CNIH3: variants seen among roughly 807,000 people sequenced by gnomAD.
CNIH3 encodes protein cornichon homolog 3.
In CNIH3, 14 loss-of-function variants were observed where a neutral mutation model predicts 24.1. The observed-to-expected ratio is 0.58, with a 90% CI of 0.38 to 0.91. The LOEUF is 0.91. Among genes scored for constraint, CNIH3 ranks in the 40% least tolerant of loss-of-function variants. CNIH3 has a pLI of 0.00. For synonymous variants in CNIH3, 68 were observed against 73.8 expected, an observed-to-expected ratio of 0.92 and a Z score of 0.40; for missense variants, 178 against 196.8, an observed-to-expected ratio of 0.90 and a Z score of 0.57.
chr1:224,565,691 T>A (rs772800012), intron 3 of CNIH3: 1 of 152,510 alleles, frequency 6.6e-6, no homozygotes, highest in Non-Finnish European at 1.5e-5. Context: ...CACTGTTGCT[T>A]CCTGTGGGGA....
At chr1:224,576,231 A>G (rs956225064) in intron 4 of CNIH3, among the ~76,000 whole-genome samples, 6 of 152,354 alleles carry the variant, frequency 3.9e-5, no homozygotes, top group Non-Finnish European at 8.8e-5. Context: ...TGTGGCTTTT[A>G]TCATGTTCTT....
intron 3 of CNIH3, among the ~76,000 whole-genome samples, chr1:224,705,924 G>A (rs1202463888): frequency 2.2e-5 from 3 of 139,012 alleles, no homozygotes; most frequent in Non-Finnish European, 3.1e-5. Context: ...GTCACTTCGG[G>A]GAAGCCTTTT....
chr1:224,599,570 T>C (rs981610013), intron 3 of CNIH3, among the ~76,000 whole-genome samples: 4 of 151,708 alleles, frequency 2.6e-5, no homozygotes, highest in African/African-American at 9.7e-5. Context: ...TATAAATAAG[T>C]TCATAATTTA....
intron 3 of CNIH3, among the ~76,000 whole-genome samples, chr1:224,720,941 T>C (rs1174213516): frequency 6.6e-6 from 1 of 152,186 alleles, no homozygotes; most frequent in African/African-American, 2.4e-5. Flanking sequence ...GGAGCAACTT[T>C]GGCCACTACG....
intron 1 of CNIH3, among the ~76,000 whole-genome samples, chr1:224,658,791 T>C (rs2993124): frequency 0.59 from 88,782 of 151,538 alleles, 28,223 homozygotes; most frequent in African/African-American, 0.83. Flanking sequence ...TAATATTACA[T>C]ATTTTGTTCA....
intron 3 of CNIH3, among the ~76,000 whole-genome samples, chr1:224,723,776 T>C (rs1396187195): frequency 6.6e-6 from 1 of 152,240 alleles, no homozygotes; most frequent in African/African-American, 2.4e-5. Context: ...GAGGGTCCAA[T>C]TCTGGCCATG....
Position 224,703,400 on chromosome 1 carries a change from GC to G in CNIH3, c.198+18560del, listed in dbSNP as rs1687610192. Among the ~76,000 whole-genome samples, 1 of 152,160 alleles carries G rather than the reference GC, an allele frequency of 6.6e-6. No homozygotes were observed. The highest frequency in any genetic ancestry group is 2.1e-4 in the South Asian group (1 of 4,826). On this transcript the variant is annotated intron_variant, in intron 3 of 5. Transcript: ENST00000272133. The surrounding 1 kb of genome is among the most constrained non-coding windows in gnomAD (Gnocchi z 4.2). ...TGGGGGAAATTTTAAAAATCCTGAT[GC>G]CCAGAATTCATCCCAAACCAATTAA... is the stretch of plus-strand genomic sequence containing the variant.
chr1:224,692,498 G>T (rs1686979501), intron 3 of CNIH3, among the ~76,000 whole-genome samples: 1 of 152,208 alleles, frequency 6.6e-6, no homozygotes, highest in African/African-American at 2.4e-5. Context: ...CTCAAAGGCA[G>T]TTGTGTGGAG....
rs769250306 is a variant in CNIH3, at chr1:224,660,774, A to G, written c.82-20184A>G. 4.8e-4 allele frequency among the ~76,000 whole-genome samples: 73 copies of G among 152,238 alleles called. 1 individual carries two copies. Among genetic ancestry groups the G allele is most frequent in the Admixed American group, 2.6e-4 (4 of 15,284 alleles). ...CACTGAAAAAAATGAAATTGTTTCT[A>G]TAGAAGGCTTATCCTGGCAATATTA... On this transcript the variant is annotated intron_variant, in intron 1 of 5. Coordinates refer to ENST00000272133, the MANE Select transcript of CNIH3 (RefSeq NM_152495.2).
chr1:224,543,090 C>T lies in CNIH3; in HGVS notation n.340-3739C>T, dbSNP rs1445756516. On this transcript the variant is annotated intron_variant and non_coding_transcript_variant, in intron 2 of 5. Coordinates refer to the CNIH3 transcript ENST00000471578. ...GAGCTTTGAGCTATGTGATATCAGC[C>T]GGATCTCTGGAGAGGGGAGGGAAGC... 4.6e-5 allele frequency among the ~76,000 whole-genome samples: 7 copies of T among 152,070 alleles called. No homozygotes were observed. In the East Asian group the frequency reaches 7.7e-4, roughly 17 times the overall value.
Position 224,696,445 on chromosome 1 carries a change from G to T in CNIH3, c.198+11602G>T, listed in dbSNP as rs531319790. ...ATGGGAGTGAGGACTTAGGAGGACG[G>T]CTGCAGATCTCTGTCTCATGGAGGA... On this transcript the variant is annotated intron_variant, in intron 3 of 5. Transcript: ENST00000272133. Among the ~76,000 whole-genome samples, 3 of 152,338 alleles carry T rather than the reference G, an allele frequency of 2.0e-5. No individual in the cohort carries two copies. In the South Asian group the frequency reaches 6.2e-4, roughly 32 times the overall value.
intron 1 of CNIH3, among the ~76,000 whole-genome samples, chr1:224,648,117 C>T (rs1242710742): frequency 4.6e-5 from 7 of 152,012 alleles, no homozygotes; most frequent in Admixed American, 3.3e-4. Context: ...TGGTAGTGGG[C>T]GGCTGGGCGC....
rs1218357949 is a variant in CNIH3, at chr1:224,617,196, TTC to T, written c.24_25del (p.Phe8LeufsTer24). On this transcript the variant is annotated frameshift_variant, in exon 1 of 6. Coordinates refer to ENST00000272133, the MANE Select transcript of CNIH3 (RefSeq NM_152495.2). LOFTEE classifies it high-confidence loss of function. ...GGCCATGGCCTTCACTTTCGCTGCG[TTC>T]TGCTACATGCTGTCTCTGGTGCTGT... MAFTFAA[F>X]CYMLSLVLCA... 6.2e-7 allele frequency: 1 copy of T among 1,614,068 alleles called. No individual in the cohort carries two copies. Among genetic ancestry groups the T allele is most frequent in the Non-Finnish European group, 8.5e-7 (1 of 1,180,022 alleles).
intron 1 of CNIH3, among the ~76,000 whole-genome samples, chr1:224,472,420 G>A (rs1676409411): frequency 6.6e-6 from 1 of 151,900 alleles, no homozygotes; most frequent in African/African-American, 2.4e-5. Flanking sequence ...AAGAAAACAT[G>A]GTATATATGT....
At chr1:224,551,925 T>A (rs1679938849) in intron 3 of CNIH3, among the ~76,000 whole-genome samples, 1 of 151,472 alleles carries the variant, frequency 6.6e-6, no homozygotes, top group African/African-American at 2.4e-5. Context: ...TGGGGTGTAC[T>A]CCCTCTGTGT....
chr1:224,442,312 G>C (rs1306206926), intron 1 of CNIH3, among the ~76,000 whole-genome samples: 1 of 152,140 alleles, frequency 6.6e-6, no homozygotes, highest in African/African-American at 2.4e-5. Context: ...CTCTCTTACT[G>C]GGGTTTGTAT....
chr1:224,595,296 T>C (rs1472899179), intron 3 of CNIH3, among the ~76,000 whole-genome samples: 1 of 152,196 alleles, frequency 6.6e-6, no homozygotes, highest in African/African-American at 2.4e-5. Flanking sequence ...TCCTCCCACC[T>C]CAGCCTCCCA....
chr1:224,724,601 A>C lies in CNIH3; in HGVS notation c.199-5861A>C, dbSNP rs544554480. ...GGCTGAGGAATCAAATAAAAGATAT[A>C]GTATCTTTTTCTCCACACTCTTTGG... On this transcript the variant is annotated intron_variant, in intron 3 of 5. Transcript: ENST00000272133. 2.0e-5 allele frequency among the ~76,000 whole-genome samples: 3 copies of C among 152,228 alleles called. No individual in the cohort carries two copies. In the East Asian group the frequency reaches 5.8e-4, roughly 29 times the overall value.
chr1:224,523,737 T>G (rs1218085064), intron 2 of CNIH3, among the ~76,000 whole-genome samples: 1 of 152,204 alleles, frequency 6.6e-6, no homozygotes, highest in Non-Finnish European at 1.5e-5. Flanking sequence ...CTCCTAATCA[T>G]AGACTATGGA....
Sources: allele counts gnomAD v4.1 joint callset (sites outside exome capture counted in the v4.1 genomes callset), GRCh38; gene constraint gnomAD v4.1.1; non-coding constraint Gnocchi (gnomAD v3.1); transcripts MANE v1.5; gene names NCBI Gene and HGNC (gene_info 2026-07-23, HGNC 2026-07-21).